CADM2: variants seen among roughly 807,000 people sequenced by gnomAD.
The protein encoded by CADM2 is immunoglobulin superfamily member 4D.
CADM2 carries 12 observed loss-of-function variants against 49.8 expected under a neutral mutation model. That is an observed-to-expected ratio of 0.24 (90% CI 0.15 to 0.39). CADM2 has a LOEUF of 0.39. Among genes scored for constraint, CADM2 ranks in the 10% least tolerant of loss-of-function variants. CADM2 has a pLI of 1.00. For missense variants in CADM2, 378 were observed against 492.3 expected (o/e 0.77, Z 2.20); for synonymous variants, 214 against 175.4 (o/e 1.22, Z -1.74).
At chr3:85,568,166 GA>G (rs1366739908) in intron 1 of CADM2, among the ~76,000 whole-genome samples, 1 of 152,196 alleles carries the variant, frequency 6.6e-6, no homozygotes, top group Admixed American at 6.5e-5. Context: ...CAGAGGGGAA[GA>G]GGGGGAACGC....
At chr3:85,048,465 T>C (rs973583407) in intron 1 of CADM2, among the ~76,000 whole-genome samples, 2 of 152,148 alleles carry the variant, frequency 1.3e-5, no homozygotes, top group Non-Finnish European at 2.9e-5. Context: ...TGATTACAGC[T>C]GTAACCAAGA....
At chr3:85,338,625 G>T (rs1361145458) in intron 1 of CADM2, among the ~76,000 whole-genome samples, 2 of 151,440 alleles carry the variant, frequency 1.3e-5, no homozygotes, top group Non-Finnish European at 3.0e-5. Context: ...TTTGATAATT[G>T]TTAATTTCTT....
chr3:85,193,764 A>G (rs1426819690), intron 1 of CADM2, among the ~76,000 whole-genome samples: 4 of 152,040 alleles, frequency 2.6e-5, no homozygotes, highest in Non-Finnish European at 4.4e-5. Flanking sequence ...GTCTCCCTCT[A>G]TTGTCCACAA....
chr3:85,330,476 A>G (rs1035545013), intron 1 of CADM2, among the ~76,000 whole-genome samples: 2 of 152,220 alleles, frequency 1.3e-5, no homozygotes, highest in African/African-American at 2.4e-5. Flanking sequence ...CAATGCTCCA[A>G]CAACACTGAC....
chr3:86,058,520 G>C (rs180777734), intron 8 of CADM2, among the ~76,000 whole-genome samples: 43 of 152,152 alleles, frequency 2.8e-4, no homozygotes, highest in Admixed American at 2.2e-3. Flanking sequence ...ATGGTTTAAG[G>C]CTTGGTGTAA....
At chr3:86,064,446 AG>A (rs1739071223) in intron 8 of CADM2, among the ~76,000 whole-genome samples, 1 of 152,102 alleles carries the variant, frequency 6.6e-6, no homozygotes, top group Admixed American at 6.5e-5. Flanking sequence ...TTCTTAATCC[AG>A]TCTATCATTG....
chr3:84,987,067 A>G (rs2032613131), intron 1 of CADM2, among the ~76,000 whole-genome samples: 1 of 151,900 alleles, frequency 6.6e-6, no homozygotes, highest in Admixed American at 6.6e-5. Context: ...ACAAAACAAA[A>G]CAAAACAAAA....
At chr3:85,247,456 T>C (rs1408299554) in intron 1 of CADM2, among the ~76,000 whole-genome samples, 1 of 152,160 alleles carries the variant, frequency 6.6e-6, no homozygotes, top group East Asian at 1.9e-4. Context: ...ACTTTAGGAC[T>C]CTTAGAGTTT....
intron 1 of CADM2, among the ~76,000 whole-genome samples, chr3:85,114,822 C>A (rs2038585301): frequency 6.6e-6 from 1 of 152,096 alleles, no homozygotes; most frequent in South Asian, 2.1e-4. Flanking sequence ...TAAAAGCAAT[C>A]AGCACTTTTT....
intron 8 of CADM2, among the ~76,000 whole-genome samples, chr3:86,047,168 C>T (rs1316414881): frequency 6.6e-6 from 1 of 152,040 alleles, no homozygotes; most frequent in Non-Finnish European, 1.5e-5. Context: ...TTCTTAATGT[C>T]TTTCTTAACA....
At chr3:85,370,271 A>G (rs1329083004) in intron 1 of CADM2, among the ~76,000 whole-genome samples, 1 of 145,614 alleles carries the variant, frequency 6.9e-6, no homozygotes, top group Non-Finnish European at 1.5e-5. Flanking sequence ...ATTTTAAAAA[A>G]TAACTTGGTG....
intron 1 of CADM2, among the ~76,000 whole-genome samples, chr3:85,410,631 C>G (rs9874461): frequency 2.6e-5 from 4 of 152,070 alleles, no homozygotes; most frequent in Non-Finnish European, 5.9e-5. Context: ...TTTGCCGAAA[C>G]AGTTAAAAAG....
chr3:85,699,304 G>A (rs1477511556), intron 1 of CADM2, among the ~76,000 whole-genome samples: 3 of 152,110 alleles, frequency 2.0e-5, no homozygotes, highest in African/African-American at 7.2e-5. Flanking sequence ...CCTGGAGGAT[G>A]GCGGCCCCCT....
chr3:85,544,508 C>T (rs962981427), intron 1 of CADM2, among the ~76,000 whole-genome samples: 1 of 151,970 alleles, frequency 6.6e-6, no homozygotes. Context: ...ACCCGGGAGG[C>T]GGAGCTTGCA....
intron 3 of CADM2, among the ~76,000 whole-genome samples, chr3:85,821,311 G>A (rs2073550596): frequency 6.6e-6 from 1 of 152,082 alleles, no homozygotes; most frequent in Admixed American, 6.6e-5. Flanking sequence ...TAGGGGAATG[G>A]CATTTACCTC....
intron 1 of CADM2, among the ~76,000 whole-genome samples, chr3:85,364,507 ATTGT>A (rs1272720364): frequency 3.9e-5 from 6 of 152,192 alleles, no homozygotes; most frequent in Non-Finnish European, 2.9e-5. Flanking sequence ...ATTAGTGAAC[ATTGT>A]TTGTAACCTT....
chr3:85,705,257 G>T (rs2066907856), intron 1 of CADM2, among the ~76,000 whole-genome samples: 1 of 150,496 alleles, frequency 6.6e-6, no homozygotes, highest in African/African-American at 2.4e-5. Context: ...AATAAGCAAG[G>T]ACGTTTTGTA....
chr3:85,487,400 G>A (rs1219868557), intron 1 of CADM2, among the ~76,000 whole-genome samples: 2 of 152,022 alleles, frequency 1.3e-5, no homozygotes, highest in African/African-American at 2.4e-5. Flanking sequence ...GTGGTGTGTC[G>A]TGTGCCTGTA....
Position 85,607,658 on chromosome 3 carries a change from A to AT in CADM2, c.62-118852dup, listed in dbSNP as rs558654126. ...ATACACCTGCGTATTCAAAATAATT[A>AT]TTTTTTTTTTTTCTCTGAGATGGAA... On this transcript the variant is annotated intron_variant, in intron 1 of 9. Coordinates refer to ENST00000383699, the MANE Select transcript of CADM2 (RefSeq NM_001167675.2). 7.4e-3 allele frequency among the ~76,000 whole-genome samples: 1,083 copies of AT among 146,102 alleles called. 5 individuals are homozygous for AT. Among genetic ancestry groups the AT allele is most frequent in the Non-Finnish European group, 0.011 (717 of 65,934 alleles).
Sources: gnomAD v4.1 joint callset for allele counts (sites outside exome capture counted in the v4.1 genomes callset) on GRCh38, gnomAD v4.1.1 for gene constraint, MANE v1.5 for transcripts, NCBI Gene and HGNC (gene_info 2026-07-23, HGNC 2026-07-21) for gene names.